Variants in GRIA1 observed in about 807,000 individuals in gnomAD.
GRIA1 encodes the protein glutamate receptor 1.
Under a neutral mutation model 99.2 loss-of-function variants are expected in GRIA1, and 31 were observed. That is an observed-to-expected ratio of 0.31 (90% CI 0.23 to 0.42). GRIA1 has a LOEUF of 0.42. Ranked by LOEUF, GRIA1 falls within the 10% of genes least tolerant of loss-of-function variation. GRIA1 has a pLI of 1.00. For synonymous variants in GRIA1, 438 were observed against 432.4 expected (o/e 1.01, Z -0.16); for missense variants, 782 against 1,157.5 (o/e 0.68, Z 4.71).
At chr5:153,633,450 G>T (rs1162171039) in intron 2 of GRIA1, among the ~76,000 whole-genome samples, 2 of 152,156 alleles carry the variant, frequency 1.3e-5, no homozygotes, top group African/African-American at 2.4e-5. Context: ...TTTGAAAAGC[G>T]ATTCAAACGT....
intron 2 of GRIA1, among the ~76,000 whole-genome samples, chr5:153,597,344 G>C (rs1043670498): frequency 2.0e-5 from 3 of 152,244 alleles, no homozygotes; most frequent in African/African-American, 7.2e-5. Context: ...ACCCCATTTT[G>C]CAATTTTGCA....
chr5:153,668,957 G>A (rs1755951166), intron 5 of GRIA1, among the ~76,000 whole-genome samples: 3 of 152,218 alleles, frequency 2.0e-5, no homozygotes, highest in South Asian at 4.1e-4. Context: ...CACTGGTGGA[G>A]CAGTAGAACA....
At chr5:153,568,915 T>C (rs1761884281) in intron 2 of GRIA1, among the ~76,000 whole-genome samples, 1 of 152,204 alleles carries the variant, frequency 6.6e-6, no homozygotes, top group Admixed American at 6.5e-5. Context: ...TTTAAGTCCA[T>C]GTCTTTGTTC....
chr5:153,629,620 A>C (rs1752785476), intron 2 of GRIA1, among the ~76,000 whole-genome samples: 1 of 152,244 alleles, frequency 6.6e-6, no homozygotes, highest in African/African-American at 2.4e-5. Context: ...ACTTGGGAAC[A>C]CATGCACACA....
chr5:153,708,030 G>C (rs1759040882), intron 11 of GRIA1, among the ~76,000 whole-genome samples: 1 of 152,178 alleles, frequency 6.6e-6, no homozygotes, highest in East Asian at 1.9e-4. Flanking sequence ...GAAGACCCAT[G>C]AACTTGTTTT....
At chr5:153,588,585 T>G (rs1763700759) in intron 2 of GRIA1, among the ~76,000 whole-genome samples, 1 of 152,240 alleles carries the variant, frequency 6.6e-6, no homozygotes, top group Non-Finnish European at 1.5e-5. Context: ...TTTTCTGCCT[T>G]TGTGACCTAG....
chr5:153,634,211 G>A lies in GRIA1; in HGVS notation c.221-12717G>A, dbSNP rs558606661. On this transcript the variant is annotated intron_variant, in intron 2 of 15. Coordinates refer to ENST00000285900, the MANE Select transcript of GRIA1 (RefSeq NM_000827.4). ...CAGGCACCTGTAGTCCCAGCTACTC[G>A]GGAGGCTGAGGCAGGAGAATGGCGT... Among the ~76,000 whole-genome samples the A allele has an allele frequency of 9.9e-5, 15 of 151,902 alleles. No homozygotes were observed. In the East Asian group the frequency reaches 1.4e-3, roughly 14 times the overall value.
intron 2 of GRIA1, among the ~76,000 whole-genome samples, chr5:153,515,398 T>C (rs770632298): frequency 6.6e-6 from 1 of 152,164 alleles, no homozygotes; most frequent in Non-Finnish European, 1.5e-5. Context: ...TATTGCATGA[T>C]CTCATTCATA....
chr5:153,738,872 A>ACCTGTAAT (rs1561816795), intron 11 of GRIA1, among the ~76,000 whole-genome samples: 1 of 151,498 alleles, frequency 6.6e-6, no homozygotes, highest in Non-Finnish European at 1.5e-5. Flanking sequence ...ACAGGCATGC[A>ACCTGTAAT]CCACCACGTC....
intron 2 of GRIA1, among the ~76,000 whole-genome samples, chr5:153,530,183 A>T (rs778921957): frequency 6.6e-6 from 1 of 152,184 alleles, no homozygotes; most frequent in Non-Finnish European, 1.5e-5. Context: ...TAGGCAAAAA[A>T]ACTCAGCCAC....
intron 2 of GRIA1, among the ~76,000 whole-genome samples, chr5:153,563,665 C>G (rs1761354494): frequency 6.6e-6 from 1 of 152,198 alleles, no homozygotes; most frequent in Non-Finnish European, 1.5e-5. Flanking sequence ...TCAAAAACAT[C>G]TATTTTCTCT....
intron 11 of GRIA1, among the ~76,000 whole-genome samples, chr5:153,729,965 CTTAA>C (rs1369212201): frequency 2.0e-5 from 3 of 152,076 alleles, no homozygotes; most frequent in African/African-American, 4.8e-5. Flanking sequence ...TTATTGTTTA[CTTAA>C]TTGAGTAAAA....
At chr5:153,760,648 C>A (rs1391549141) in intron 11 of GRIA1, among the ~76,000 whole-genome samples, 1 of 152,056 alleles carries the variant, frequency 6.6e-6, no homozygotes, top group Non-Finnish European at 1.5e-5. Context: ...ATGTCAACAA[C>A]CTTCTTCACA....
At chr5:153,622,468 G>A (rs1767145663) in intron 2 of GRIA1, among the ~76,000 whole-genome samples, 1 of 152,182 alleles carries the variant, frequency 6.6e-6, no homozygotes, top group Admixed American at 6.5e-5. Flanking sequence ...TGTTAGGTTT[G>A]CTGGTTGAGA....
At chr5:153,684,512 AG>A (rs1757209040) in intron 7 of GRIA1, among the ~76,000 whole-genome samples, 2 of 152,200 alleles carry the variant, frequency 1.3e-5, no homozygotes, top group Admixed American at 1.3e-4. Context: ...GGGGCTGAAA[AG>A]TAGATGCCTG....
chr5:153,491,046 C>A, intron 1 of GRIA1, 76 bp downstream of exon 1: 1 of 1,345,344 alleles, frequency 7.4e-7, no homozygotes, highest in Non-Finnish European at 1.1e-6. Flanking sequence ...GGTTGTGTAC[C>A]CCCTCCCCGG....
intron 14 of GRIA1, among the ~76,000 whole-genome samples, chr5:153,801,291 C>T (rs1237649317): frequency 1.4e-5 from 2 of 145,712 alleles, no homozygotes; most frequent in East Asian, 3.9e-4. Flanking sequence ...CAGTGGCCTT[C>T]CTCTGGCTCC....
At chr5:153,575,197 AAGAGAGAGAG>A (rs3064338) in intron 2 of GRIA1, among the ~76,000 whole-genome samples, 27 of 147,768 alleles carry the variant, frequency 1.8e-4, no homozygotes, top group African/African-American at 6.8e-4. Context: ...TCAAGAGAGA[AAGAGAGAGAG>A]AGAGAGAGAG....
chr5:153,580,600 T>C (rs1183724786), intron 2 of GRIA1, among the ~76,000 whole-genome samples: 2 of 152,234 alleles, frequency 1.3e-5, no homozygotes, highest in Non-Finnish European at 2.9e-5. Context: ...AAAATGGACA[T>C]GAGGTTCCTC....
Sources: gnomAD v4.1 joint callset for allele counts (sites outside exome capture counted in the v4.1 genomes callset) on GRCh38, gnomAD v4.1.1 for gene constraint, MANE v1.5 for transcripts, NCBI Gene and HGNC (gene_info 2026-07-23, HGNC 2026-07-21) for gene names.